HNRNPUL1: variants seen among roughly 807,000 people sequenced by gnomAD.
The protein encoded by HNRNPUL1 is heterogeneous nuclear ribonucleoprotein U-like protein 1.
A neutral mutation model predicts 108.5 loss-of-function variants in HNRNPUL1; 14 were observed. The observed-to-expected ratio is 0.13, with a 90% confidence interval of 0.09 to 0.20. The LOEUF is 0.20. Ranked by LOEUF, HNRNPUL1 falls within the 10% of genes least tolerant of loss-of-function variation. HNRNPUL1 has a pLI of 1.00. For missense variants in HNRNPUL1, 804 were observed against 1,168.3 expected (o/e 0.69, Z 4.55); for synonymous variants, 422 against 445.2 (o/e 0.95, Z 0.66).
At chr19:41,287,319 T>G (rs2122736686) in intron 7 of HNRNPUL1, among the ~76,000 whole-genome samples, 1 of 152,318 alleles carries the variant, frequency 6.6e-6, no homozygotes, top group Non-Finnish European at 1.5e-5. Flanking sequence ...TGGCTGATTC[T>G]TAAGAGTAAA....
rs1045731976 is a variant in HNRNPUL1 at position 41,292,332 on chromosome 19, T to C, written c.1087T>C (p.Leu363=). The C allele has an allele frequency of 6.2e-7, 1 of 1,614,196 alleles. No individual in the cohort carries two copies. The highest frequency in any genetic ancestry group is 1.1e-5 in the South Asian group (1 of 91,086). Residue 363 remains leucine (L), a synonymous_variant, in exon 8 of 15, where the codon TTG becomes CTG. Transcript: ENST00000392006. This position sits in a 1 kb window ranked among gnomAD's most constrained non-coding sequence, Gnocchi z 4.1. ...GIAFRIQKEA[L]GGQALYPHVL... is the part of the protein sequence containing the mutation. ...TGCTTTCCGAATCCAGAAGGAAGCC[T>C]TGGGGGGTCAGGCCCTCTATCCTCA... is the stretch of plus-strand genomic sequence containing the variant.
chr19:41,266,427 C>A (rs992848890), intron 1 of HNRNPUL1, among the ~76,000 whole-genome samples: 1 of 151,964 alleles, frequency 6.6e-6, no homozygotes. Context: ...AAGTGAAACT[C>A]CGTCTCAAAA....
chr19:41,277,869 G>T (rs1174801060), intron 5 of HNRNPUL1, among the ~76,000 whole-genome samples: 1 of 151,918 alleles, frequency 6.6e-6, no homozygotes, highest in Non-Finnish European at 1.5e-5. Flanking sequence ...ATTTTAAAAT[G>T]TGTGTCTGAA....
At chr19:41,285,413 T>C (rs2036163064) in intron 7 of HNRNPUL1, among the ~76,000 whole-genome samples, 1 of 152,140 alleles carries the variant, frequency 6.6e-6, no homozygotes, top group South Asian at 2.1e-4. Flanking sequence ...TTTGTAGAGA[T>C]GGGGTTTCGC....
intron 7 of HNRNPUL1, among the ~76,000 whole-genome samples, chr19:41,290,408 G>C (rs2036515743): frequency 6.6e-6 from 1 of 152,160 alleles, no homozygotes; most frequent in African/African-American, 2.4e-5. Context: ...TTTTGAGCAG[G>C]CTGCTCCTCT....
chr19:41,270,252 G>A (rs1201032515), intron 2 of HNRNPUL1, among the ~76,000 whole-genome samples: 4 of 151,822 alleles, frequency 2.6e-5, no homozygotes, highest in Non-Finnish European at 5.9e-5. Context: ...CAAAGTTCTG[G>A]GGTTACAGGC....
chr19:41,288,826 G>A (rs1287472306), intron 7 of HNRNPUL1, among the ~76,000 whole-genome samples: 3 of 151,982 alleles, frequency 2.0e-5, no homozygotes, highest in African/African-American at 7.3e-5. Flanking sequence ...TCCATTTACT[G>A]GAGTAACTTG....
At chr19:41,281,001 G>A in intron 6 of HNRNPUL1, 162 bp from the exon 7 acceptor site, 1 of 576,526 alleles carries the variant, frequency 1.7e-6, no homozygotes. Flanking sequence ...ATCATTAAGG[G>A]CTTCCTTTCA....
At chr19:41,272,717 G>T (rs993579132) in intron 3 of HNRNPUL1, among the ~76,000 whole-genome samples, 2 of 152,152 alleles carry the variant, frequency 1.3e-5, no homozygotes, top group African/African-American at 2.4e-5. Context: ...CCAGTGTGGG[G>T]ACTCAGACAC....
chr19:41,280,735 T>C (rs2035853959), intron 6 of HNRNPUL1, among the ~76,000 whole-genome samples: 2 of 152,124 alleles, frequency 1.3e-5, no homozygotes, highest in Admixed American at 1.3e-4. Flanking sequence ...TCTAGTACCT[T>C]TCCCAGGGGT....
chr19:41,307,038 TAAAAAA>T lies in HNRNPUL1; in HGVS notation c.*480_*485del, dbSNP rs900258268. On this transcript the variant is annotated 3_prime_UTR_variant, in exon 15 of 15. Transcript: ENST00000392006. ...CAGGATTAAAAAAAAAATCAAAACT[TAAAAAA>T]AAAAAAGTTTAAAAAGCAAAATGGG... 1 of 144,952 alleles carries T rather than the reference TAAAAAA, an allele frequency of 6.9e-6. No homozygotes were observed. The highest frequency in any genetic ancestry group is 2.0e-4 in the East Asian group (1 of 5,016). 9.0% of individuals were successfully genotyped at this position (144,952 alleles called of 1,614,324 possible).
Position 41,295,392 on chromosome 19 carries a change from A to C in HNRNPUL1, c.1518+706A>C, listed in dbSNP as rs10425263. On this transcript the variant is annotated intron_variant, in intron 10 of 14. Transcript: ENST00000392006. ...TTTATGAAAAAGAAGGGAAAAAAAA[A>C]CAGTTTTTTGTCCCTATCTTTCAGC... Among the ~76,000 whole-genome samples the C allele has an allele frequency of 6.5e-3, 996 of 152,260 alleles. 9 individuals carry two copies. The highest frequency in any genetic ancestry group is 0.023 in the African/African-American group (941 of 41,530).
chr19:41,300,396 C>G (rs528075628), intron 10 of HNRNPUL1, among the ~76,000 whole-genome samples: 1 of 151,812 alleles, frequency 6.6e-6, no homozygotes, highest in East Asian at 1.9e-4. Flanking sequence ...TTTCTTGGGT[C>G]CCTATTAGAG....
intron 5 of HNRNPUL1, among the ~76,000 whole-genome samples, chr19:41,277,077 A>G (rs939426910): frequency 3.3e-5 from 5 of 150,686 alleles, no homozygotes; most frequent in Middle Eastern, 3.2e-3. Context: ...AGCCTGGGTG[A>G]CAGAGTGAGA....
chr19:41,298,209 C>G (rs1312302737), intron 10 of HNRNPUL1, among the ~76,000 whole-genome samples: 1 of 152,176 alleles, frequency 6.6e-6, no homozygotes, highest in African/African-American at 2.4e-5. Flanking sequence ...TCCTCCCTCC[C>G]TCAGACTGTT....
chr19:41,295,014 G>C (rs1054407969), intron 10 of HNRNPUL1, among the ~76,000 whole-genome samples: 1 of 152,184 alleles, frequency 6.6e-6, no homozygotes, highest in African/African-American at 2.4e-5. Flanking sequence ...CCCTAGCTCT[G>C]TGCCTTTGGG....
chr19:41,304,937 C>T (rs1488891346), intron 13 of HNRNPUL1, among the ~76,000 whole-genome samples: 3 of 152,204 alleles, frequency 2.0e-5, no homozygotes, highest in Admixed American at 1.3e-4. Flanking sequence ...GGCACAGATC[C>T]AAACCCCCAG....
chr19:41,273,467 A>T (rs140417031), intron 3 of HNRNPUL1, among the ~76,000 whole-genome samples: 3 of 152,366 alleles, frequency 2.0e-5, no homozygotes, highest in African/African-American at 7.2e-5. Context: ...TAGGAAAATG[A>T]ATATCGTTTA....
chr19:41,265,338 A>C, intron 1 of HNRNPUL1: 1 of 417,236 alleles, frequency 2.4e-6, no homozygotes. Context: ...GCGTTCTCCT[A>C]TTTGGGTACG....
Sources: allele counts gnomAD v4.1 joint callset (sites outside exome capture counted in the v4.1 genomes callset), GRCh38; gene constraint gnomAD v4.1.1; non-coding constraint Gnocchi (gnomAD v3.1); transcripts MANE v1.5; gene names NCBI Gene and HGNC (gene_info 2026-07-23, HGNC 2026-07-21).